TRIO: variants seen among roughly 807,000 people sequenced by gnomAD.
The protein encoded by TRIO is triple functional domain protein.
Under a neutral mutation model 351.9 loss-of-function variants are expected in TRIO, and 58 were observed. That is an observed-to-expected ratio of 0.16 (90% confidence interval 0.13 to 0.21). The LOEUF is 0.21. Ranked by LOEUF, TRIO falls within the 10% of genes least tolerant of loss-of-function variation. TRIO has a pLI of 1.00. For synonymous variants in TRIO, 1,758 were observed against 1,595.7 expected (o/e 1.10, Z -2.42); for missense variants, 3,201 against 4,027.8 (o/e 0.79, Z 5.56).
intron 37 of TRIO, among the ~76,000 whole-genome samples, chr5:14,468,427 A>G (rs961377822): frequency 1.3e-5 from 2 of 152,220 alleles, no homozygotes; most frequent in Admixed American, 1.3e-4. Flanking sequence ...TTTCATCCAC[A>G]TGGGTGTTCA....
chr5:14,368,175 A>G (rs1460759597), intron 16 of TRIO, among the ~76,000 whole-genome samples: 1 of 152,244 alleles, frequency 6.6e-6, no homozygotes, highest in African/African-American at 2.4e-5. Flanking sequence ...ATCAGATGGC[A>G]TGGACCTCCA....
chr5:14,179,761 T>C (rs1789637734), intron 1 of TRIO, among the ~76,000 whole-genome samples: 1 of 152,186 alleles, frequency 6.6e-6, no homozygotes, highest in Non-Finnish European at 1.5e-5. Flanking sequence ...ACACATATTT[T>C]AAGTTCATTT....
At chr5:14,357,488 C>G (rs1743724990) in intron 11 of TRIO, among the ~76,000 whole-genome samples, 1 of 152,218 alleles carries the variant, frequency 6.6e-6, no homozygotes, top group African/African-American at 2.4e-5. Flanking sequence ...TTGCCACTCT[C>G]ATTCCAGGGT....
At chr5:14,482,349 T>G (rs1443132387) in intron 45 of TRIO, 2 of 317,032 alleles carry the variant, frequency 6.3e-6, no homozygotes, top group Non-Finnish European at 1.1e-5. Flanking sequence ...TTTTAATCTG[T>G]GACTGTAATT....
chr5:14,405,808 G>T, intron 31 of TRIO, 40 bp from the exon 32 acceptor site: 1 of 1,592,524 alleles, frequency 6.3e-7, no homozygotes, highest in Non-Finnish European at 8.6e-7. Flanking sequence ...GTCTGGAAAG[G>T]GCCGTTCCGT....
Position 14,492,758 on chromosome 5 carries a change from C to T in TRIO, c.7824C>T (p.Gly2608=), listed in dbSNP as rs1579821320. 3 of 1,614,070 alleles carry T rather than the reference C, an allele frequency of 1.9e-6. No individual in the cohort carries two copies. Among genetic ancestry groups the T allele is most frequent in the Non-Finnish European group, 1.7e-6 (2 of 1,180,050 alleles). ...CCGCAGCTGAGGGCTGGATTCCAGG[C>T]TTTGTCCTGGGCCACACCAGTGCAG... The part of the protein sequence containing the change: ...QCPAAEGWIP[G]FVLGHTSAVI... Residue 2608 remains glycine, a synonymous_variant, in exon 49 of 57, where the codon GGC becomes GGT. Coordinates refer to ENST00000344204, the MANE Select transcript of TRIO (RefSeq NM_007118.4).
chr5:14,211,590 G>GTT (rs33992664), intron 1 of TRIO, among the ~76,000 whole-genome samples: 15,285 of 119,848 alleles, frequency 0.13, 1,437 homozygotes, highest in Non-Finnish European at 0.15. Flanking sequence ...ACACTCAGTT[G>GTT]TTTTTTTTTT....
At chr5:14,496,114 TAAAC>T (rs1271661441) in intron 49 of TRIO, among the ~76,000 whole-genome samples, 1 of 152,144 alleles carries the variant, frequency 6.6e-6, no homozygotes, top group Non-Finnish European at 1.5e-5. Flanking sequence ...TTTTAGCAAA[TAAAC>T]TGTTTTTAAT....
intron 4 of TRIO, among the ~76,000 whole-genome samples, chr5:14,287,729 G>T (rs1158597077): frequency 6.6e-6 from 1 of 152,154 alleles, no homozygotes; most frequent in Non-Finnish European, 1.5e-5. Flanking sequence ...AGATGATTAT[G>T]GGAGGAAAGT....
chr5:14,184,327 T>C (rs1357753395), intron 1 of TRIO, among the ~76,000 whole-genome samples: 1 of 152,242 alleles, frequency 6.6e-6, no homozygotes, highest in Non-Finnish European at 1.5e-5. Flanking sequence ...CAGTGATGTG[T>C]CCCAAGGCTG....
At chr5:14,282,512 A>G (rs1423368310) in intron 3 of TRIO, among the ~76,000 whole-genome samples, 1 of 149,520 alleles carries the variant, frequency 6.7e-6, no homozygotes, top group Non-Finnish European at 1.5e-5. Context: ...TATTCATTTA[A>G]TTGATATAGA....
At chr5:14,287,185 A>T (rs1232839134) in intron 4 of TRIO, 122 bp downstream of exon 4, 1 of 907,364 alleles carries the variant, frequency 1.1e-6, no homozygotes, top group Non-Finnish European at 1.7e-6. Context: ...ATATCTTACG[A>T]ACATGTGATA....
intron 1 of TRIO, among the ~76,000 whole-genome samples, chr5:14,234,973 A>G (rs1428762784): frequency 1.3e-5 from 2 of 152,346 alleles, no homozygotes; most frequent in South Asian, 2.1e-4. Flanking sequence ...TTTAAAAAGT[A>G]TATAACAGGT....
At chr5:14,443,725 T>G (rs958970278) in intron 34 of TRIO, among the ~76,000 whole-genome samples, 1 of 152,244 alleles carries the variant, frequency 6.6e-6, no homozygotes, top group East Asian at 1.9e-4. Context: ...CTGTTTTATG[T>G]GCTGACATTG....
In TRIO at chr5:14,374,007, T is replaced by C. The variant is rs182320974; in HGVS notation, c.3217-222T>C. 2.2e-4 allele frequency among the ~76,000 whole-genome samples: 33 copies of C among 152,294 alleles called. 1 individual carries two copies. In the East Asian group the frequency reaches 6.0e-3, roughly 28 times the overall value. ...CTGTTTCCTGCCCCATGGGCCTCTCTATAGGGCAGAATGTAGCAGCAGGTG... is the reference window on the plus strand; with the variant it reads ...CTGTTTCCTGCCCCATGGGCCTCTCCATAGGGCAGAATGTAGCAGCAGGTG... On this transcript the variant is annotated intron_variant, in intron 18 of 56. Coordinates refer to ENST00000344204, the MANE Select transcript of TRIO (RefSeq NM_007118.4).
intron 8 of TRIO, among the ~76,000 whole-genome samples, chr5:14,310,169 C>A (rs993230842): frequency 6.6e-6 from 1 of 152,202 alleles, no homozygotes; most frequent in African/African-American, 2.4e-5. Flanking sequence ...AAGTTGTAGT[C>A]ATTTTTAACA....
chr5:14,426,363 A>G (rs1309568504), intron 34 of TRIO, among the ~76,000 whole-genome samples: 1 of 152,168 alleles, frequency 6.6e-6, no homozygotes, highest in East Asian at 1.9e-4. Flanking sequence ...TACAAATACA[A>G]ATCCTCATGG....
Position 14,460,258 on chromosome 5 carries a change from G to A in TRIO, c.5204-761G>A, listed in dbSNP as rs1053441096. ...AAATGTGGTGGCGTTTTTGTTCATT[G>A]TTGCTGATATTTACTTCAGCACATG... is the stretch of plus-strand genomic sequence containing the variant. On this transcript the variant is annotated intron_variant, in intron 34 of 56. Transcript: ENST00000344204. Among the ~76,000 whole-genome samples the A allele has an allele frequency of 3.3e-5, 5 of 151,934 alleles. No homozygotes were observed. The Middle Eastern group carries it at 0.01, about 310-fold the overall frequency.
At chr5:14,275,870 A>G (rs533185963) in intron 2 of TRIO, among the ~76,000 whole-genome samples, 273 of 143,326 alleles carry the variant, frequency 1.9e-3, no homozygotes, top group African/African-American at 6.9e-3. Context: ...ATGTGTGTAT[A>G]TATATATATA....
Sources: gnomAD v4.1 joint callset for allele counts (sites outside exome capture counted in the v4.1 genomes callset) on GRCh38, gnomAD v4.1.1 for gene constraint, MANE v1.5 for transcripts, NCBI Gene and HGNC (gene_info 2026-07-23, HGNC 2026-07-21) for gene names.